Variants in GALNS observed in about 807,000 individuals in gnomAD.
GALNS encodes the protein N-acetylgalactosamine-6-sulfatase.
A neutral mutation model predicts 65.9 loss-of-function variants in GALNS; 65 were observed. That is an observed-to-expected ratio of 0.99 (90% CI 0.81 to 1.21). The LOEUF (loss-of-function observed/expected upper bound fraction) is 1.21, where lower values mean the gene tolerates loss of function less well. Among genes scored for constraint, GALNS ranks in the 50% most tolerant of loss-of-function variants. The pLI is 0.00. For synonymous variants in GALNS, 346 were observed against 288.9 expected (o/e 1.20, Z -2.00); for missense variants, 776 against 700.7 (o/e 1.11, Z -1.21).
At chr16:88,826,605 C>A (rs3859024) in intron 10 of GALNS, 97 bp downstream of exon 10, 7 of 1,450,782 alleles carry the variant, frequency 4.8e-6, no homozygotes, top group Admixed American at 1.8e-5. Context: ...TGTCCAGAAC[C>A]AGGAGGGCTG....
Position 88,856,869 on chromosome 16 carries a change from C to T in GALNS, c.9G>A (p.Ala3=), listed in dbSNP as rs1055971461. The T allele has an allele frequency of 2.0e-6, 3 of 1,509,340 alleles. No individual in the cohort carries two copies. The highest frequency in any genetic ancestry group is 1.4e-5 in the African/African-American group (1 of 69,046). 93.5% of individuals were successfully genotyped at this position (1,509,340 alleles called of 1,614,324 possible). A position where few individuals can be genotyped will look rare whatever the true frequency, so the allele number is the denominator to read the frequency against. The change falls in exon 1 of 14, where the codon GCG becomes GCA. Residue 3 remains alanine, a synonymous_variant. Coordinates refer to ENST00000268695, the MANE Select transcript of GALNS (RefSeq NM_000512.5). Reference sequence around the variant, plus strand: ...GCCACCACCTCGTCGCCGCGACAACCGCCGCCATGGCAACCACGGGAGCCG... The same window carrying T: ...GCCACCACCTCGTCGCCGCGACAACTGCCGCCATGGCAACCACGGGAGCCG... MA[A]VVAATRWWQL... is the part of the protein sequence containing the mutation.
chr16:88,842,562 G>A, intron 2 of GALNS, 144 bp downstream of exon 2: 1 of 1,025,538 alleles, frequency 9.8e-7, no homozygotes, highest in African/African-American at 1.6e-5. Context: ...GATGAGAAAG[G>A]CCTGAGCCCA....
At chr16:88,825,280 AGCCG>A in intron 10 of GALNS, among the ~76,000 whole-genome samples, 1 of 22,798 alleles carries the variant, frequency 4.4e-5, no homozygotes, top group African/African-American at 2.5e-4. Context: ...GTGTTTGGGC[AGCCG>A]GGGCTGGGGT....
At chr16:88,852,004 G>C (rs1967529202) in intron 1 of GALNS, among the ~76,000 whole-genome samples, 1 of 152,346 alleles carries the variant, frequency 6.6e-6, no homozygotes, top group Admixed American at 6.5e-5. Flanking sequence ...GAAGAGAGCA[G>C]TGGTTCTCCC....
intron 1 of GALNS, among the ~76,000 whole-genome samples, chr16:88,848,600 T>A (rs1967361586): frequency 6.8e-6 from 1 of 147,470 alleles, no homozygotes; most frequent in Non-Finnish European, 1.5e-5. Context: ...AGTGCGGGCA[T>A]CCTGGTTTTC....
At chr16:88,825,344 G>T (rs1268463014) in intron 10 of GALNS, among the ~76,000 whole-genome samples, 1 of 133,366 alleles carries the variant, frequency 7.5e-6, no homozygotes, top group African/African-American at 3.1e-5. Context: ...GGTGTCTGGG[G>T]CTGGGGTGTC....
At chr16:88,852,229 C>A (rs185914352) in intron 1 of GALNS, among the ~76,000 whole-genome samples, 13 of 152,336 alleles carry the variant, frequency 8.5e-5, no homozygotes, top group African/African-American at 3.1e-4. Context: ...ACTGGTGATA[C>A]CCAGGCAAAC....
At chr16:88,841,299 C>T (rs1432132477) in intron 3 of GALNS, among the ~76,000 whole-genome samples, 2 of 152,204 alleles carry the variant, frequency 1.3e-5, no homozygotes, top group Non-Finnish European at 2.9e-5. Context: ...CCAGTGCCAT[C>T]ACCAGAGGGT....
chr16:88,825,882 G>A (rs1421774782), intron 10 of GALNS, among the ~76,000 whole-genome samples: 1 of 152,192 alleles, frequency 6.6e-6, no homozygotes, highest in Non-Finnish European at 1.5e-5. Flanking sequence ...GGAGGCGGCA[G>A]CTGCCTTGGG....
At position 88,841,935 on chromosome 16, in the gene GALNS, C is replaced by T. The variant is rs727503946; in HGVS notation, c.281G>A (p.Arg94His). Residue 94 changes from arginine to histidine, a missense_variant, in exon 3 of 14, where the codon CGC becomes CAC. Arg to His is a conservative substitution (Grantham distance 29, BLOSUM62 0). Coordinates refer to ENST00000268695, the MANE Select transcript of GALNS (RefSeq NM_000512.5). ...GGCGTTGGTGGTGTAGAAGCCATTG[C>T]GGATGGGTAGCCGTCCTGTGAGCAG... The part of the protein sequence containing the change: ...AALLTGRLPI[R>H]NGFYTTNAHA... The T allele has an allele frequency of 3.7e-5, 59 of 1,613,448 alleles. 1 individual carries two copies. The highest frequency in any genetic ancestry group is 8.8e-5 in the South Asian group (8 of 90,962).
At chr16:88,821,885 G>A (rs1439652978) in intron 12 of GALNS, among the ~76,000 whole-genome samples, 1 of 152,168 alleles carries the variant, frequency 6.6e-6, no homozygotes, top group African/African-American at 2.4e-5. Context: ...AGGCATGCAC[G>A]TGCCCCAGGA....
chr16:88,847,441 G>C (rs968405854), intron 1 of GALNS, among the ~76,000 whole-genome samples: 8 of 152,212 alleles, frequency 5.3e-5, no homozygotes, highest in African/African-American at 1.9e-4. Context: ...CCTGTCACAA[G>C]TGGCTCCAGG....
At position 88,822,674 on chromosome 16, in the gene GALNS, C is replaced by T. The variant is rs1597535125; in HGVS notation, c.1279G>A (p.Val427Ile). The T allele has an allele frequency of 1.2e-6, 2 of 1,613,128 alleles. No individual in the cohort carries two copies. Among genetic ancestry groups the T allele is most frequent in the African/African-American group, 2.7e-5 (2 of 75,024 alleles). ...DFCPGQNVSG[V>I]TTHNLEDHTK... is the part of the protein sequence containing the mutation. The stretch of plus-strand genomic sequence containing the variant: ...TGGTCTTCCAGATTGTGAGTTGTGA[C>T]CCCTGAAACGTTCTGCCCAGGGCAG... The change falls in exon 12 of 14, where the codon GTC (valine) becomes ATC (isoleucine). Residue 427 changes from valine (V) to isoleucine (I), a missense_variant. Transcript: ENST00000268695.
chr16:88,837,604 G>C lies in GALNS; in HGVS notation c.566+18C>G. 1.9e-6 allele frequency: 3 copies of C among 1,611,688 alleles called. No individual in the cohort carries two copies. The highest frequency in any genetic ancestry group is 2.0e-4 in the Middle Eastern group (1 of 5,028). On this transcript the variant is annotated intron_variant, in intron 5 of 13. Transcript: ENST00000268695. The stretch of plus-strand genomic sequence containing the variant: ...AGCAGTTCAGGACGTGGGAGGGGAA[G>C]GGGTGGGGCTCCATTACCTGCCAAC...
chr16:88,832,604 C>T (rs1040999173), intron 8 of GALNS, among the ~76,000 whole-genome samples: 6 of 152,146 alleles, frequency 3.9e-5, no homozygotes, highest in African/African-American at 7.2e-5. Context: ...GAAGTGGTCA[C>T]GGGGCAAAGG....
chr16:88,840,860 C>T (rs1966931169), intron 4 of GALNS, 132 bp downstream of exon 4: 2 of 755,914 alleles, frequency 2.6e-6, no homozygotes, highest in Admixed American at 2.0e-5. Context: ...CACCTGAACA[C>T]ACCCAGAATC....
chr16:88,816,891 T>C (rs1014643106), intron 13 of GALNS: 2 of 985,384 alleles, frequency 2.0e-6, no homozygotes, highest in Non-Finnish European at 2.4e-6. Flanking sequence ...CCAGGGGCTG[T>C]GGGCAGCCAC....
chr16:88,842,569 C>T, intron 2 of GALNS, 137 bp downstream of exon 2: 2 of 1,112,762 alleles, frequency 1.8e-6, no homozygotes, highest in Non-Finnish European at 2.6e-6. Flanking sequence ...AAGGCCTGAG[C>T]CCACCTGCCA....
intron 13 of GALNS, chr16:88,816,902 GC>G: frequency 1.0e-6 from 1 of 985,444 alleles, no homozygotes; most frequent in South Asian, 4.7e-5. Context: ...GGGCAGCCAC[GC>G]CCAGCCCGTG....
Sources: allele counts gnomAD v4.1 joint callset (sites outside exome capture counted in the v4.1 genomes callset), GRCh38; gene constraint gnomAD v4.1.1; transcripts MANE v1.5; gene names NCBI Gene and HGNC (gene_info 2026-07-23, HGNC 2026-07-21).